Variants in SEMA3E observed in about 807,000 individuals in gnomAD.
The protein encoded by SEMA3E is semaphorin 3E.
Under a neutral mutation model 93.6 loss-of-function variants are expected in SEMA3E, and 49 were observed. The ratio of observed to expected loss-of-function variants is 0.52; its 90% confidence interval spans 0.42 to 0.66. The LOEUF is 0.66. Ranked by LOEUF, SEMA3E falls within the 30% of genes least tolerant of loss-of-function variation. SEMA3E has a pLI of 0.00. For missense variants in SEMA3E, 906 were observed against 964.8 expected, an observed-to-expected ratio of 0.94 and a Z score of 0.81; for synonymous variants, 363 against 330.7, an observed-to-expected ratio of 1.10 and a Z score of -1.06.
At chr7:83,436,813 A>G (rs951158996) in intron 4 of SEMA3E, among the ~76,000 whole-genome samples, 3 of 152,212 alleles carry the variant, frequency 2.0e-5, no homozygotes, top group Non-Finnish European at 4.4e-5. Flanking sequence ...ATAAGAATGT[A>G]TATCTATATG....
intron 1 of SEMA3E, among the ~76,000 whole-genome samples, chr7:83,634,098 G>T (rs1254804757): frequency 2.6e-5 from 4 of 152,040 alleles, no homozygotes; most frequent in African/African-American, 9.7e-5. Flanking sequence ...AGGACAAATG[G>T]CATTTCTAAC....
intron 1 of SEMA3E, among the ~76,000 whole-genome samples, chr7:83,536,562 T>C (rs1791413851): frequency 6.6e-6 from 1 of 152,004 alleles, no homozygotes; most frequent in African/African-American, 2.4e-5. Context: ...GAATCAAGCC[T>C]ACAAACAGGC....
intron 4 of SEMA3E, among the ~76,000 whole-genome samples, chr7:83,420,629 T>C (rs190868089): frequency 1.1e-4 from 16 of 152,238 alleles, no homozygotes; most frequent in Non-Finnish European, 2.2e-4. Flanking sequence ...AGCAGACACA[T>C]AGACCAATGG....
chr7:83,546,150 T>G (rs913991206), intron 1 of SEMA3E, among the ~76,000 whole-genome samples: 2 of 149,678 alleles, frequency 1.3e-5, no homozygotes, highest in African/African-American at 4.9e-5. Context: ...GGAAAAAAAT[T>G]TCATGTTTGA....
In SEMA3E at chr7:83,533,468, C is replaced by T. The variant is rs546456997; in HGVS notation, c.116-43194G>A. Among the ~76,000 whole-genome samples, 20 of 152,134 alleles carry T rather than the reference C, an allele frequency of 1.3e-4. No homozygotes were observed. In the East Asian group the frequency reaches 3.3e-3, roughly 25 times the overall value. On this transcript the variant is annotated intron_variant, in intron 1 of 16. Transcript: ENST00000643230. ...CTGAGGCAGGAGAATGGCTTGAACC[C>T]GGGAGGCGGAGATTGCAGCTAGCCA...
intron 9 of SEMA3E, among the ~76,000 whole-genome samples, chr7:83,403,501 G>A (rs1584224129): frequency 6.6e-6 from 1 of 151,884 alleles, no homozygotes; most frequent in Non-Finnish European, 1.5e-5. Flanking sequence ...TTTTATTGAA[G>A]ATATTTGTAA....
chr7:83,528,965 G>T (rs183767603), intron 1 of SEMA3E, among the ~76,000 whole-genome samples: 37 of 152,174 alleles, frequency 2.4e-4, no homozygotes, highest in African/African-American at 7.7e-4. Context: ...GATGATGAAA[G>T]TGTCATATCT....
chr7:83,427,994 G>A (rs1348145107), intron 4 of SEMA3E, among the ~76,000 whole-genome samples: 1 of 152,202 alleles, frequency 6.6e-6, no homozygotes, highest in African/African-American at 2.4e-5. Context: ...ATGTGATATG[G>A]AGAAATTTTT....
chr7:83,366,542 G>A lies in SEMA3E; in HGVS notation c.*1044C>T, dbSNP rs188805267. The A allele has an allele frequency of 1.8e-4, 28 of 151,920 alleles. 1 individual carries two copies. The highest frequency in any genetic ancestry group is 1.7e-3 in the South Asian group (8 of 4,806). 9.4% of individuals were successfully genotyped at this position (151,920 alleles called of 1,614,324 possible). On this transcript the variant is annotated 3_prime_UTR_variant, in exon 17 of 17. Transcript: ENST00000643230. The stretch of plus-strand genomic sequence containing the variant: ...GTTATAGTATATTTTAGATTTCAGC[G>A]AAGATTATTTAGAAACTTAAAATTT...
Position 83,512,313 on chromosome 7 carries a change from G to A in SEMA3E, c.116-22039C>T, listed in dbSNP as rs952175818. Reference sequence around the variant, plus strand: ...GAAAGAAAGTCTTTGGAGAGGAGCAGCTCTCAAGCTAGCAACCCCACGTAA... The same window carrying A: ...GAAAGAAAGTCTTTGGAGAGGAGCAACTCTCAAGCTAGCAACCCCACGTAA... On this transcript the variant is annotated intron_variant, in intron 1 of 16. Transcript: ENST00000643230. 2.0e-5 allele frequency among the ~76,000 whole-genome samples: 3 copies of A among 152,142 alleles called. 1 individual carries two copies. The highest frequency in any genetic ancestry group is 1.3e-4 in the Admixed American group (2 of 15,278).
chr7:83,548,769 T>C (rs1791702773), intron 1 of SEMA3E, among the ~76,000 whole-genome samples: 1 of 152,100 alleles, frequency 6.6e-6, no homozygotes, highest in Non-Finnish European at 1.5e-5. Context: ...CGCAGCCTTT[T>C]CCTCTTAGGT....
rs1236968367 is a variant in SEMA3E at position 83,400,110 on chromosome 7, A to C, written c.1284T>G (p.Asp428Glu). Residue 428 changes from aspartate to glutamate, a missense_variant, in exon 11 of 17, where the codon GAT becomes GAG. Asp to Glu is a conservative substitution (Grantham distance 45, BLOSUM62 2). Transcript: ENST00000643230. Reference sequence around the variant, plus strand: ...CTATTTGTTTCAGGTTATATTTTCCATCTGTTTTTACCAATATTGGTTTTT... The same window carrying C: ...CTATTTGTTTCAGGTTATATTTTCCCTCTGTTTTTACCAATATTGGTTTTT... ...AHKKPILVKT[D>E]GKYNLKQIAV... The C allele has an allele frequency of 1.9e-6, 3 of 1,613,946 alleles. No individual in the cohort carries two copies. The highest frequency in any genetic ancestry group is 2.5e-6 in the Non-Finnish European group (3 of 1,179,956).
chr7:83,446,790 T>G (rs1789240113), intron 4 of SEMA3E, among the ~76,000 whole-genome samples: 1 of 152,240 alleles, frequency 6.6e-6, no homozygotes, highest in African/African-American at 2.4e-5. Context: ...CATTAAGAAG[T>G]GACTTCATTT....
At chr7:83,435,357 G>A (rs1788983274) in intron 4 of SEMA3E, among the ~76,000 whole-genome samples, 1 of 152,144 alleles carries the variant, frequency 6.6e-6, no homozygotes, top group Non-Finnish European at 1.5e-5. Flanking sequence ...ACTTTGGGAG[G>A]CCAAGGCAGG....
chr7:83,645,824 A>T (rs1794071884), intron 1 of SEMA3E, among the ~76,000 whole-genome samples: 1 of 151,872 alleles, frequency 6.6e-6, no homozygotes, highest in Non-Finnish European at 1.5e-5. Context: ...TCCCAGAAAT[A>T]GTAATGGAGA....
At chr7:83,393,516 G>A (rs1055105174) in intron 13 of SEMA3E, among the ~76,000 whole-genome samples, 5 of 152,136 alleles carry the variant, frequency 3.3e-5, no homozygotes, top group Non-Finnish European at 7.3e-5. Context: ...GTGACACAGT[G>A]AGACTTTATC....
chr7:83,593,312 G>C (rs867543192), intron 1 of SEMA3E, among the ~76,000 whole-genome samples: 29,068 of 136,050 alleles, frequency 0.21, 3,409 homozygotes, highest in East Asian at 0.36. Flanking sequence ...GTGTGTGTGT[G>C]TGTGTGTGTG....
In SEMA3E at chr7:83,553,697, G is replaced by C. The variant is rs532681529; in HGVS notation, c.116-63423C>G. On this transcript the variant is annotated intron_variant, in intron 1 of 16. Transcript: ENST00000643230. ...ACTAAAAGGTTTTGGCATTATTTTT[G>C]TTCAAAAATTAACATTTTGTTTAAG... Among the ~76,000 whole-genome samples the C allele has an allele frequency of 1.6e-3, 243 of 152,018 alleles. 1 individual carries two copies. The highest frequency in any genetic ancestry group is 2.9e-3 in the Non-Finnish European group (200 of 67,936).
At chr7:83,454,150 CG>C (rs1789425068) in intron 4 of SEMA3E, among the ~76,000 whole-genome samples, 1 of 149,028 alleles carries the variant, frequency 6.7e-6, no homozygotes, top group African/African-American at 2.5e-5. Flanking sequence ...CCCAGCTACT[CG>C]GGAGGCTGAG....
Sources: allele counts gnomAD v4.1 joint callset (sites outside exome capture counted in the v4.1 genomes callset), GRCh38; gene constraint gnomAD v4.1.1; transcripts MANE v1.5; gene names NCBI Gene and HGNC (gene_info 2026-07-23, HGNC 2026-07-21).